CACNA1S: variants seen among roughly 807,000 people sequenced by gnomAD.
The protein encoded by CACNA1S is voltage-dependent L-type calcium channel subunit alpha-1S.
A neutral mutation model predicts 207.4 loss-of-function variants in CACNA1S; 126 were observed. The observed-to-expected ratio is 0.61, with a 90% CI of 0.53 to 0.70. The LOEUF (loss-of-function observed/expected upper bound fraction) is 0.70, where lower values mean the gene tolerates loss of function less well. Ranked by LOEUF, CACNA1S falls within the 30% of genes least tolerant of loss-of-function variation. The pLI, the probability that CACNA1S is intolerant of heterozygous loss-of-function variation, is 0.00. For synonymous variants in CACNA1S, 960 were observed against 932.7 expected (o/e 1.03, Z -0.53); for missense variants, 2,349 against 2,422.8 (o/e 0.97, Z 0.64).
rs190103746 is a variant in CACNA1S, at chr1:201,096,098, C to T, written c.259-2077G>A. Among the ~76,000 whole-genome samples the T allele has an allele frequency of 1.3e-3, 204 of 152,308 alleles. 1 individual carries two copies. Among genetic ancestry groups the T allele is most frequent in the South Asian group, 7.7e-3 (37 of 4,830 alleles). ...AGGCTGGGCGGCCAGCCATGAACAC[C>T]GGAGAACTGCCTGCACCTGCCACTG... On this transcript the variant is annotated intron_variant, in intron 2 of 43. Transcript: ENST00000362061.
At chr1:201,093,815 T>C in intron 3 of CACNA1S, 67 bp downstream of exon 3, 1 of 1,573,936 alleles carries the variant, frequency 6.4e-7, no homozygotes, top group Non-Finnish European at 8.7e-7. Flanking sequence ...ATGCTGGTGG[T>C]GGTGGCAGTG....
intron 33 of CACNA1S, 110 bp downstream of exon 33, chr1:201,050,874 G>A (rs1257826436): frequency 9.4e-6 from 11 of 1,169,850 alleles, no homozygotes; most frequent in East Asian, 2.3e-5. Context: ...CTGCGTCCCC[G>A]AGATGAATCC....
At chr1:201,078,992 G>A (rs1405778096) in intron 10 of CACNA1S, among the ~76,000 whole-genome samples, 1 of 151,724 alleles carries the variant, frequency 6.6e-6, no homozygotes, top group Middle Eastern at 3.2e-3. Flanking sequence ...GTGGTGGCAT[G>A]AGCCTGTAGT....
chr1:201,041,448 T>TC, intron 41 of CACNA1S, 56 bp downstream of exon 41: 1 of 1,370,276 alleles, frequency 7.3e-7, no homozygotes, highest in Non-Finnish European at 1.0e-6. Context: ...GAGTGGGGCT[T>TC]CCCGGACTCC....
At chr1:201,085,100 C>A in intron 8 of CACNA1S, 69 bp from the exon 9 acceptor site, 1 of 1,088,080 alleles carries the variant, frequency 9.2e-7, no homozygotes, top group Non-Finnish European at 1.4e-6. Flanking sequence ...CTGGACTGGG[C>A]ACCCGAGACA....
At chr1:201,099,004 A>C (rs1662542204) in intron 2 of CACNA1S, among the ~76,000 whole-genome samples, 1 of 152,076 alleles carries the variant, frequency 6.6e-6, no homozygotes, top group South Asian at 2.1e-4. Flanking sequence ...GTACTTCCAG[A>C]GTCTTGGGTT....
At position 201,062,077 on chromosome 1, in the gene CACNA1S, C is replaced by A. The variant is rs757840865; in HGVS notation, c.2920G>T (p.Val974Leu). Residue 974 changes from valine to leucine, a missense_variant, in exon 24 of 44, where the codon GTG becomes TTG. Coordinates refer to ENST00000362061, the MANE Select transcript of CACNA1S (RefSeq NM_000069.3). ...TGCATGGGGTCCCCGTCCTTGTACACGTAGTAGTAGCCCCTGTGGCAGGGA... is the reference window on the plus strand; with the variant it reads ...TGCATGGGGTCCCCGTCCTTGTACAAGTAGTAGTAGCCCCTGTGGCAGGGA... ...TEEECRGYYY[V>L]YKDGDPMQIE... 4 of 1,613,910 alleles carry A rather than the reference C, an allele frequency of 2.5e-6. No homozygotes were observed. Among genetic ancestry groups the A allele is most frequent in the African/African-American group, 2.7e-5 (2 of 75,042 alleles).
In CACNA1S at chr1:201,083,232, G is replaced by A. The variant is rs1236795297; in HGVS notation, c.1323C>T (p.Ile441=). ...CGATAGACAGGGTGTTGAGGGCAAC[G>A]ATGAGAATCACCAGCCAATAGAAGA... is the stretch of plus-strand genomic sequence containing the variant. ...SKVFYWLVIL[I]VALNTLSIAS... is the part of the protein sequence containing the mutation. The change falls in exon 10 of 44, where the codon ATC becomes ATT. Residue 441 remains isoleucine (I), a synonymous_variant. Coordinates refer to ENST00000362061, the MANE Select transcript of CACNA1S (RefSeq NM_000069.3). 4 of 1,614,074 alleles carry A rather than the reference G, an allele frequency of 2.5e-6. No homozygotes were observed. Among genetic ancestry groups the A allele is most frequent in the Admixed American group, 1.7e-5 (1 of 60,006 alleles).
At position 201,052,127 on chromosome 1, in the gene CACNA1S, C is replaced by A. The variant is rs74138821; in HGVS notation, c.3953+430G>T. Among the ~76,000 whole-genome samples, 4 of 152,354 alleles carry A rather than the reference C, an allele frequency of 2.6e-5. No homozygotes were observed. In the East Asian group the frequency reaches 7.7e-4, roughly 29 times the overall value. On this transcript the variant is annotated intron_variant, in intron 32 of 43. Transcript: ENST00000362061. ...GCAATCCAAGCTCTAGCTCCTGTGCCCTGGCCAAGCATAGGCCCCTGCGCC... is the reference window on the plus strand; with the variant it reads ...GCAATCCAAGCTCTAGCTCCTGTGCACTGGCCAAGCATAGGCCCCTGCGCC...
At chr1:201,079,773 C>T (rs1209021344) in intron 10 of CACNA1S, among the ~76,000 whole-genome samples, 1 of 152,170 alleles carries the variant, frequency 6.6e-6, no homozygotes, top group Non-Finnish European at 1.5e-5. Flanking sequence ...AAAGTCCATG[C>T]CCTGACCCCA....
intron 40 of CACNA1S, 38 bp downstream of exon 40, chr1:201,043,243 G>A (rs1660340550): frequency 1.9e-6 from 3 of 1,613,648 alleles, no homozygotes; most frequent in Middle Eastern, 1.6e-4. Flanking sequence ...TGTCCTCCCA[G>A]TACCTCTACA....
rs573640130 is a variant in CACNA1S, at chr1:201,050,579, G to A, written c.4114-63C>T. 1,117 of 1,601,848 alleles carry A rather than the reference G, an allele frequency of 7.0e-4. 6 individuals are homozygous for A. In the Middle Eastern group the frequency reaches 0.011, roughly 15 times the overall value. On this transcript the variant is annotated intron_variant, in intron 33 of 43. Coordinates refer to ENST00000362061, the MANE Select transcript of CACNA1S (RefSeq NM_000069.3). Reference sequence around the variant, plus strand: ...GCAGGTGGTACAGGGTTAGGGTGGGGGAGCTGGGAGGTGTCCACTGGCCCA... The same window carrying A: ...GCAGGTGGTACAGGGTTAGGGTGGGAGAGCTGGGAGGTGTCCACTGGCCCA...
intron 2 of CACNA1S, among the ~76,000 whole-genome samples, chr1:201,100,934 A>G (rs937426243): frequency 6.6e-6 from 1 of 152,136 alleles, no homozygotes; most frequent in African/African-American, 2.4e-5. Flanking sequence ...ATCACAGATT[A>G]CAAAGGGCTA....
At chr1:201,050,358 G>A (rs1660608612) in intron 34 of CACNA1S, 31 bp downstream of exon 34, 1 of 1,612,972 alleles carries the variant, frequency 6.2e-7, no homozygotes, top group South Asian at 1.1e-5. Flanking sequence ...AGGATGGAGG[G>A]CCCAGCACAG....
At chr1:201,108,191 G>C (rs1054408782) in intron 2 of CACNA1S, among the ~76,000 whole-genome samples, 1 of 149,750 alleles carries the variant, frequency 6.7e-6, no homozygotes, top group Non-Finnish European at 1.5e-5. Flanking sequence ...CTGCAGCCTC[G>C]ACCTCCCAGG....
Position 201,074,522 on chromosome 1 carries a change from G to T in CACNA1S, c.2047C>A (p.Arg683Ser), listed in dbSNP as rs35708442. The T allele has an allele frequency of 7.4e-6, 12 of 1,612,176 alleles. No individual in the cohort carries two copies. The highest frequency in any genetic ancestry group is 1.6e-4 in the Middle Eastern group (1 of 6,084). Residue 683 changes from arginine (R) to serine (S), a missense_variant, in exon 14 of 44, where the codon CGC becomes AGC. Transcript: ENST00000362061. ...AQKAKAEEKK[R>S]RKMSKGLPDK... ...AGCACTCACTTGGACATCTTCCTGCGTTTTTTCTCCTCAGCCTTGGCCTTC... is the reference window on the plus strand; with the variant it reads ...AGCACTCACTTGGACATCTTCCTGCTTTTTTTCTCCTCAGCCTTGGCCTTC...
At position 201,069,304 on chromosome 1, in the gene CACNA1S, C is replaced by G. The variant is rs777169899; in HGVS notation, c.2491-108G>C. The G allele has an allele frequency of 1.1e-5, 16 of 1,423,212 alleles. No homozygotes were observed. In the Admixed American group the frequency reaches 1.6e-4, roughly 14 times the overall value. 88.2% of individuals were successfully genotyped at this position (1,423,212 alleles called of 1,614,324 possible). On this transcript the variant is annotated intron_variant, in intron 18 of 43. Transcript: ENST00000362061. ...CAGTCAGAGCCATTCTGTGCCCCAGCCTGTGCCGTTCAGAAGGAGTGGAGT... is the reference window on the plus strand; with the variant it reads ...CAGTCAGAGCCATTCTGTGCCCCAGGCTGTGCCGTTCAGAAGGAGTGGAGT...
intron 1 of CACNA1S, among the ~76,000 whole-genome samples, chr1:201,111,252 C>G (rs1418412729): frequency 6.6e-6 from 1 of 152,108 alleles, no homozygotes; most frequent in East Asian, 1.9e-4. Flanking sequence ...TTTCTCTTGT[C>G]CTTCCAGTTA....
At chr1:201,083,530 C>T (rs1478754316) in intron 9 of CACNA1S, among the ~76,000 whole-genome samples, 2 of 152,168 alleles carry the variant, frequency 1.3e-5, no homozygotes, top group Non-Finnish European at 2.9e-5. Flanking sequence ...CACAAACCTC[C>T]GAGGCAATGG....
Sources: gnomAD v4.1 joint callset for allele counts (sites outside exome capture counted in the v4.1 genomes callset) on GRCh38, gnomAD v4.1.1 for gene constraint, MANE v1.5 for transcripts, NCBI Gene and HGNC (gene_info 2026-07-23, HGNC 2026-07-21) for gene names.